WDR86: variants seen among roughly 807,000 people sequenced by gnomAD.
The protein encoded by WDR86 is WD repeat-containing protein 86.
WDR86 carries 30 observed loss-of-function variants against 36.5 expected under a neutral mutation model. The observed-to-expected ratio is 0.82, with a 90% confidence interval of 0.61 to 1.11. WDR86 has a LOEUF of 1.11. Ranked by LOEUF, WDR86 falls within the 50% of genes most tolerant of loss-of-function variation. The probability of loss-of-function intolerance (pLI) is 0.00; values close to 1 mark genes in which losing one functional copy is unlikely to be tolerated. For missense variants in WDR86, 545 were observed against 561.2 expected, an observed-to-expected ratio of 0.97 and a Z score of 0.29; for synonymous variants, 255 against 252.9, an observed-to-expected ratio of 1.01 and a Z score of -0.08.
In WDR86 at chr7:151,385,106, T is replaced by C; in HGVS notation, c.844A>G (p.Lys282Glu). ...TAHRRNVSALKYHAGTLFTGS... is the reference protein window; with the variant it reads ...TAHRRNVSALEYHAGTLFTGS... ...CACTTACAGGTGCCCGCGTGGTACTTGAGGGCGCTCACGTTGCGTCTGTGG... is the reference window on the plus strand; with the variant it reads ...CACTTACAGGTGCCCGCGTGGTACTCGAGGGCGCTCACGTTGCGTCTGTGG... The change falls in exon 4 of 6, where the codon AAG becomes GAG. Residue 282 changes from lysine (K) to glutamate (E), a missense_variant. Transcript: ENST00000334493. 6.2e-7 allele frequency: 1 copy of C among 1,608,942 alleles called. No homozygotes were observed.
chr7:151,409,594 C>T lies in WDR86; in HGVS notation c.-5G>A, dbSNP rs1042890758. On this transcript the variant is annotated 5_prime_UTR_variant, in exon 1 of 6. Coordinates refer to ENST00000334493, the MANE Select transcript of WDR86 (RefSeq NM_198285.3). This position sits in a 1 kb window ranked among gnomAD's most constrained non-coding sequence, Gnocchi z 5.2. ...GGCCGACCCGCCGCCCCCCATCCCGCTGGCAGGGCGGGGAACAAGAAGGAG... is the reference window on the plus strand; with the variant it reads ...GGCCGACCCGCCGCCCCCCATCCCGTTGGCAGGGCGGGGAACAAGAAGGAG... The T allele has an allele frequency of 2.2e-6, 3 of 1,380,180 alleles. No homozygotes were observed. Among genetic ancestry groups the T allele is most frequent in the Non-Finnish European group, 2.8e-6 (3 of 1,070,502 alleles). The allele number at this position is 1,380,180 out of a possible 1,614,324, so 85.5% of individuals were successfully genotyped here.
At chr7:151,389,242 C>T (rs2150775465) in intron 3 of WDR86, among the ~76,000 whole-genome samples, 1 of 151,984 alleles carries the variant, frequency 6.6e-6, no homozygotes, top group East Asian at 1.9e-4. Context: ...AGGCGTGAGC[C>T]ACCGTGCCCG....
chr7:151,409,593 G>C lies in WDR86; in HGVS notation c.-4C>G. On this transcript the variant is annotated 5_prime_UTR_variant, in exon 1 of 6. Transcript: ENST00000334493. This position sits in a 1 kb window ranked among gnomAD's most constrained non-coding sequence, Gnocchi z 5.2. ...GGGCCGACCCGCCGCCCCCCATCCCGCTGGCAGGGCGGGGAACAAGAAGGA... is the reference window on the plus strand; with the variant it reads ...GGGCCGACCCGCCGCCCCCCATCCCCCTGGCAGGGCGGGGAACAAGAAGGA... 1 of 1,379,256 alleles carries C rather than the reference G, an allele frequency of 7.3e-7. No individual in the cohort carries two copies. The highest frequency in any genetic ancestry group is 9.3e-7 in the Non-Finnish European group (1 of 1,069,956). 85.4% of individuals were successfully genotyped at this position (1,379,256 alleles called of 1,614,324 possible). A position where few individuals can be genotyped will look rare whatever the true frequency, so the allele number is the denominator to read the frequency against.
chr7:151,369,374 G>T, the WDR86 span, among the ~76,000 whole-genome samples: 2 of 152,168 alleles, frequency 1.3e-5, no homozygotes, highest in African/African-American at 4.8e-5. Context: ...GTTTCCTGCT[G>T]TGGTGGCAAA....
chr7:151,388,793 G>T lies in WDR86; in HGVS notation c.727-3570C>A, dbSNP rs1180744066. Among the ~76,000 whole-genome samples the T allele has an allele frequency of 6.6e-6, 1 of 152,188 alleles. No homozygotes were observed. The highest frequency in any genetic ancestry group is 2.4e-5 in the African/African-American group (1 of 41,434). Reference sequence around the variant, plus strand: ...TCCCCAGGCTGACGGTCGGAGGCGGGGTATATGAAGCTATGGTCTGAGTGT... The same window carrying T: ...TCCCCAGGCTGACGGTCGGAGGCGGTGTATATGAAGCTATGGTCTGAGTGT... On this transcript the variant is annotated intron_variant, in intron 3 of 5. Coordinates refer to ENST00000334493, the MANE Select transcript of WDR86 (RefSeq NM_198285.3). This position sits in a 1 kb window ranked among gnomAD's most constrained non-coding sequence, Gnocchi z 4.2.
downstream of WDR86, among the ~76,000 whole-genome samples, chr7:151,371,180 G>C (rs138810935): frequency 0.014 from 2,146 of 152,242 alleles, 27 homozygotes; most frequent in Non-Finnish European, 0.022. Context: ...CGATGCCTTT[G>C]GCTGAAAGCA....
chr7:151,396,009 G>T lies in WDR86; in HGVS notation c.493C>A (p.Leu165Ile). ...CCATCTGTGCTGCCGGTCACCAGAAGCCCCCCGGCCGCGGCCTCCTCCGCG... is the reference window on the plus strand; with the variant it reads ...CCATCTGTGCTGCCGGTCACCAGAATCCCCCCGGCCGCGGCCTCCTCCGCG... ...PCAEEAAAGG[L>I]LVTGSTDGTA... is the part of the protein sequence containing the mutation. Residue 165 changes from leucine to isoleucine, a missense_variant, in exon 3 of 6, where the codon CTT (leucine) becomes ATT (isoleucine). Coordinates refer to ENST00000334493, the MANE Select transcript of WDR86 (RefSeq NM_198285.3). 1 of 1,601,764 alleles carries T rather than the reference G, an allele frequency of 6.2e-7. No homozygotes were observed. The highest frequency in any genetic ancestry group is 8.5e-7 in the Non-Finnish European group (1 of 1,174,692).
At chr7:151,374,916 GGGCT>G (rs1333377207), downstream of WDR86, among the ~76,000 whole-genome samples, 1 of 152,184 alleles carries the variant, frequency 6.6e-6, no homozygotes, top group East Asian at 1.9e-4. Context: ...AGGAGGCAGG[GGGCT>G]GGCTGTGTGG....
Position 151,381,651 on chromosome 7 carries a change from G to C in WDR86, c.1062C>G (p.Pro354=), listed in dbSNP as rs1405004460. 1.4e-6 allele frequency: 2 copies of C among 1,396,986 alleles called. No homozygotes were observed. Among genetic ancestry groups the C allele is most frequent in the African/African-American group, 3.1e-5 (2 of 65,244 alleles). The allele number at this position is 1,396,986 out of a possible 1,614,324, so 86.5% of individuals were successfully genotyped here. The change falls in exon 6 of 6, where the codon CCC becomes CCG. Residue 354 remains proline (P), a synonymous_variant. Transcript: ENST00000334493. The surrounding 1 kb of genome is among the most constrained non-coding windows in gnomAD (Gnocchi z 4.8). ...TGAAGAGCCGCGAGAGGCTGCGCAT[G>C]GGCGGAGGGGGCCGCGGGGCACCTC... ...GLRGAPRPPP[P]MRSLSRLFSN...
At chr7:151,407,020 T>G (rs1259967087) in intron 1 of WDR86, among the ~76,000 whole-genome samples, 2 of 152,210 alleles carry the variant, frequency 1.3e-5, no homozygotes, top group African/African-American at 2.4e-5. Context: ...ACACTCACAA[T>G]GACTCTTTTG....
downstream of WDR86, chr7:151,374,387 G>C: frequency 8.9e-7 from 1 of 1,119,978 alleles, no homozygotes. Context: ...TTTCTCCTGG[G>C]CTCCAGCCCA....
chr7:151,390,391 G>C lies in WDR86; in HGVS notation c.727-5168C>G, dbSNP rs954575740. ...GGAGTCCCCCCAACCCCCACAGTCA[G>C]GAAGCCTCCGGAAGTTGCACAGCGT... is the stretch of plus-strand genomic sequence containing the variant. On this transcript the variant is annotated intron_variant, in intron 3 of 5. Transcript: ENST00000334493. The surrounding 1 kb of genome is among the most constrained non-coding windows in gnomAD (Gnocchi z 4.5). Among the ~76,000 whole-genome samples the C allele has an allele frequency of 6.6e-6, 1 of 152,170 alleles. No homozygotes were observed. Among genetic ancestry groups the C allele is most frequent in the Non-Finnish European group, 1.5e-5 (1 of 68,034 alleles).
At chr7:151,386,950 G>A (rs541914221) in intron 3 of WDR86, among the ~76,000 whole-genome samples, 4 of 152,266 alleles carry the variant, frequency 2.6e-5, no homozygotes, top group South Asian at 4.1e-4. Context: ...TCCTTCATCG[G>A]CAAGTGGAAG....
At chr7:151,404,329 C>T (rs1393882822) in intron 1 of WDR86, among the ~76,000 whole-genome samples, 2 of 152,234 alleles carry the variant, frequency 1.3e-5, no homozygotes, top group African/African-American at 2.4e-5. Context: ...AGGCCCACAG[C>T]GTTCAGGGTT....
Position 151,395,995 on chromosome 7 carries a change from G to T in WDR86, c.507C>A (p.Gly169=), listed in dbSNP as rs778283285. ...EAAAGGLLVT[G]STDGTAKVWQ... ...ACACCTTGGCTGTGCCATCTGTGCT[G>T]CCGGTCACCAGAAGCCCCCCGGCCG... The change falls in exon 3 of 6, where the codon GGC becomes GGA. Residue 169 remains glycine, a synonymous_variant. Coordinates refer to ENST00000334493, the MANE Select transcript of WDR86 (RefSeq NM_198285.3). 2 of 1,599,752 alleles carry T rather than the reference G, an allele frequency of 1.3e-6. No individual in the cohort carries two copies. The highest frequency in any genetic ancestry group is 3.4e-5 in the Admixed American group (2 of 58,484).
intron 3 of WDR86, among the ~76,000 whole-genome samples, chr7:151,393,693 A>AG (rs998109958): frequency 9.9e-5 from 15 of 152,016 alleles, no homozygotes; most frequent in Admixed American, 2.6e-4. Flanking sequence ...TGAGCCAGGT[A>AG]GGGGGGGTCT....
At chr7:151,402,070 A>ATATATATATATATATATAT (rs1554425363) in intron 1 of WDR86, among the ~76,000 whole-genome samples, 1 of 50,560 alleles carries the variant, frequency 2.0e-5, no homozygotes, top group African/African-American at 1.2e-4. Flanking sequence ...AAAAAAAAAA[A>ATATATATATATATATATAT]ATATATATAT....
At chr7:151,378,867 C>T (rs893409219), downstream of WDR86, among the ~76,000 whole-genome samples, 1 of 152,234 alleles carries the variant, frequency 6.6e-6, no homozygotes, top group South Asian at 2.1e-4. Flanking sequence ...AATGCCACAC[C>T]AGCAGGCCCC....
chr7:151,397,763 AAG>A lies in WDR86; in HGVS notation c.306-1569_306-1568del, dbSNP rs1297104710. Among the ~76,000 whole-genome samples, 196 of 20,720 alleles carry A rather than the reference AAG, an allele frequency of 9.5e-3. 1 individual carries two copies. The highest frequency in any genetic ancestry group is 0.017 in the Middle Eastern group (1 of 58). The allele number at this position is 20,720 out of a possible 152,430, so 13.6% of individuals were successfully genotyped here. On this transcript the variant is annotated intron_variant, in intron 2 of 5. Coordinates refer to ENST00000334493, the MANE Select transcript of WDR86 (RefSeq NM_198285.3). ...GGGAGGAAGAGGGTGTAGCGGGAGG[AAG>A]AGGGCGTAGCAGGAGGAAGGGCATA...
Sources: gnomAD v4.1 joint callset for allele counts (sites outside exome capture counted in the v4.1 genomes callset) on GRCh38, gnomAD v4.1.1 for gene constraint, Gnocchi (gnomAD v3.1) non-coding constraint, MANE v1.5 for transcripts, NCBI Gene and HGNC (gene_info 2026-07-23, HGNC 2026-07-21) for gene names.